The following TRERF1 variants were observed in gnomAD, a reference collection of about 807,000 sequenced individuals.
TRERF1 encodes transcriptional regulating factor 1, also known as transcriptional-regulating factor 1.
In TRERF1, 27 loss-of-function variants were observed where a neutral mutation model predicts 122.9. That is an observed-to-expected ratio of 0.22 (90% CI 0.16 to 0.30). The LOEUF (loss-of-function observed/expected upper bound fraction) is 0.30, where lower values mean the gene tolerates loss of function less well. Ranked by LOEUF, TRERF1 falls within the 10% of genes least tolerant of loss-of-function variation. TRERF1 has a pLI of 1.00. For synonymous variants in TRERF1, 636 were observed against 641.7 expected, an observed-to-expected ratio of 0.99 and a Z score of 0.13; for missense variants, 1,248 against 1,560.3, an observed-to-expected ratio of 0.80 and a Z score of 3.37.
rs371378335 is a variant in TRERF1, at chr6:42,376,322, G to T, written c.-453-13243C>A. On this transcript the variant is annotated intron_variant, in intron 2 of 17. Transcript: ENST00000372922. ...GCTAAGTCTTAGCAGCCACATATCC[G>T]CTTAGCATGAATGCTTCCAGAGGAT... 2.6e-5 allele frequency among the ~76,000 whole-genome samples: 4 copies of T among 152,210 alleles called. No homozygotes were observed. The South Asian group carries it at 6.2e-4, about 24-fold the overall frequency.
intron 3 of TRERF1, among the ~76,000 whole-genome samples, chr6:42,352,603 G>A (rs930946075): frequency 2.6e-5 from 4 of 152,006 alleles, no homozygotes; most frequent in East Asian, 1.9e-4. Context: ...AAATCTAGAC[G>A]TACAACCTTT....
intron 2 of TRERF1, among the ~76,000 whole-genome samples, chr6:42,399,771 G>A (rs2151327862): frequency 6.6e-6 from 1 of 152,258 alleles, no homozygotes; most frequent in South Asian, 2.1e-4. Flanking sequence ...TAGAACTGTG[G>A]CATTCTGAAC....
intron 3 of TRERF1, among the ~76,000 whole-genome samples, chr6:42,360,476 C>T (rs1477021493): frequency 6.6e-6 from 1 of 152,204 alleles, no homozygotes; most frequent in Admixed American, 6.5e-5. Context: ...TCCTGCCTGA[C>T]ACTATACCAC....
exon 18 of TRERF1, chr6:42,226,770 A>G (rs953233051): frequency 6.6e-6 from 1 of 152,196 alleles, no homozygotes; most frequent in African/African-American, 2.4e-5. Flanking sequence ...TTCTGCTGAT[A>G]TTCTCTCTCA....
At chr6:42,328,886 T>G (rs938241891) in intron 3 of TRERF1, among the ~76,000 whole-genome samples, 3 of 152,002 alleles carry the variant, frequency 2.0e-5, no homozygotes, top group Non-Finnish European at 4.4e-5. Flanking sequence ...TGAGAGAAAT[T>G]TACCAGCATC....
intron 4 of TRERF1, among the ~76,000 whole-genome samples, chr6:42,272,905 C>T (rs191512809): frequency 6.6e-6 from 1 of 152,320 alleles, no homozygotes; most frequent in Admixed American, 6.5e-5. Context: ...TACTCTACGT[C>T]ACCACGTCCA....
At chr6:42,248,137 C>T (rs896102162) in intron 13 of TRERF1, among the ~76,000 whole-genome samples, 1 of 152,094 alleles carries the variant, frequency 6.6e-6, no homozygotes, top group African/African-American at 2.4e-5. Context: ...CTCCTTAGAC[C>T]ACAGGTGGGG....
intron 3 of TRERF1, among the ~76,000 whole-genome samples, chr6:42,359,243 C>T (rs1771228050): frequency 6.6e-6 from 1 of 152,208 alleles, no homozygotes; most frequent in Admixed American, 6.5e-5. Flanking sequence ...AATGATTCAT[C>T]ATATTGTCAG....
intron 3 of TRERF1, among the ~76,000 whole-genome samples, chr6:42,348,582 C>G (rs949851075): frequency 6.6e-6 from 1 of 152,160 alleles, no homozygotes; most frequent in Non-Finnish European, 1.5e-5. Context: ...GGTCTACCCT[C>G]AAGCTAAACA....
chr6:42,277,563 G>A (rs983852928), intron 4 of TRERF1, among the ~76,000 whole-genome samples: 1 of 152,144 alleles, frequency 6.6e-6, no homozygotes, highest in Non-Finnish European at 1.5e-5. Context: ...GAAGAGCATT[G>A]GAAAAAGCTG....
chr6:42,295,294 G>A (rs2150185486), intron 4 of TRERF1, among the ~76,000 whole-genome samples: 1 of 152,342 alleles, frequency 6.6e-6, no homozygotes, highest in African/African-American at 2.4e-5. Context: ...ACAGAAGTGA[G>A]GTGGTAGCCC....
chr6:42,311,517 C>T (rs1178501099), intron 3 of TRERF1, among the ~76,000 whole-genome samples: 1 of 151,948 alleles, frequency 6.6e-6, no homozygotes, highest in Non-Finnish European at 1.5e-5. Flanking sequence ...GTAATCCCAG[C>T]ACTTTGGGAG....
At chr6:42,320,027 G>C (rs1362465429) in intron 3 of TRERF1, among the ~76,000 whole-genome samples, 1 of 151,500 alleles carries the variant, frequency 6.6e-6, no homozygotes, top group African/African-American at 2.4e-5. Context: ...TCAGCCTCCC[G>C]AATAGCTGGG....
chr6:42,316,102 A>C (rs1212217794), intron 3 of TRERF1, among the ~76,000 whole-genome samples: 1 of 152,142 alleles, frequency 6.6e-6, no homozygotes, highest in Non-Finnish European at 1.5e-5. Context: ...TACACAAATG[A>C]CATTTCGAGT....
intron 12 of TRERF1, among the ~76,000 whole-genome samples, chr6:42,255,317 A>G (rs1400079847): frequency 6.6e-6 from 1 of 152,272 alleles, no homozygotes; most frequent in East Asian, 1.9e-4. Flanking sequence ...GTTTCATTAC[A>G]GCTGAATAGA....
chr6:42,316,933 A>G (rs1762596765), intron 3 of TRERF1, among the ~76,000 whole-genome samples: 1 of 152,168 alleles, frequency 6.6e-6, no homozygotes, highest in African/African-American at 2.4e-5. Flanking sequence ...TAACATCACT[A>G]TTGTAGAACT....
chr6:42,445,357 C>CACAGACACAG (rs76720213), intron 2 of TRERF1, among the ~76,000 whole-genome samples: 1 of 139,656 alleles, frequency 7.2e-6, no homozygotes, highest in Non-Finnish European at 1.5e-5. Context: ...CACACAGACA[C>CACAGACACAG]ACACACACAC....
chr6:42,289,339 CAAACAAACAAAAAAA>C (rs1324195292), intron 4 of TRERF1, among the ~76,000 whole-genome samples: 15 of 130,382 alleles, frequency 1.2e-4, no homozygotes, highest in African/African-American at 4.7e-4. Context: ...TCAAAAAAAA[CAAACAAACAAAAAAA>C]AAACAAAAAA....
chr6:42,264,970 T>C (rs1364962479), intron 6 of TRERF1, 116 bp from the exon 7 acceptor site: 6 of 1,166,116 alleles, frequency 5.1e-6, no homozygotes, highest in East Asian at 2.4e-5. Context: ...AATGATCCCA[T>C]TGTCCATGGC....
Sources: allele counts gnomAD v4.1 joint callset (sites outside exome capture counted in the v4.1 genomes callset), GRCh38; gene constraint gnomAD v4.1.1; transcripts MANE v1.5; gene names NCBI Gene and HGNC (gene_info 2026-07-23, HGNC 2026-07-21).